The following TENM2 variants were observed in gnomAD, a reference collection of about 807,000 sequenced individuals.
The protein encoded by TENM2 is teneurin-2.
A neutral mutation model predicts 245.2 loss-of-function variants in TENM2; 52 were observed. The ratio of observed to expected loss-of-function variants is 0.21; its 90% confidence interval spans 0.17 to 0.27. The LOEUF is 0.27. Ranked by LOEUF, TENM2 falls within the 10% of genes least tolerant of loss-of-function variation. TENM2 has a pLI of 1.00. For missense variants in TENM2, 3,046 were observed against 3,666.8 expected, an observed-to-expected ratio of 0.83 and a Z score of 4.37; for synonymous variants, 1,363 against 1,438.9, an observed-to-expected ratio of 0.95 and a Z score of 1.19.
At chr5:167,721,595 T>C (rs1174768581) in intron 2 of TENM2, among the ~76,000 whole-genome samples, 1 of 152,170 alleles carries the variant, frequency 6.6e-6, no homozygotes, top group Non-Finnish European at 1.5e-5. Flanking sequence ...TCTTTGAGCC[T>C]GCTTTAGTTG....
At chr5:168,011,149 C>G (rs1202134183) in intron 5 of TENM2, among the ~76,000 whole-genome samples, 1 of 152,196 alleles carries the variant, frequency 6.6e-6, no homozygotes, top group African/African-American at 2.4e-5. Context: ...ATGAGGTGGT[C>G]AGGGTCCTAA....
At chr5:168,245,999 G>A (rs112673819) in intron 26 of TENM2, among the ~76,000 whole-genome samples, 156 of 152,080 alleles carry the variant, frequency 1.0e-3, no homozygotes, top group Middle Eastern at 6.8e-3. Context: ...TTGGGAGGCC[G>A]AGGCGGGCTG....
At chr5:167,111,925 A>G in the TENM2 span, among the ~76,000 whole-genome samples, 1 of 152,100 alleles carries the variant, frequency 6.6e-6, no homozygotes, top group Admixed American at 6.6e-5. Flanking sequence ...TCTGCATTCG[A>G]TTTACTAATT....
the TENM2 span, among the ~76,000 whole-genome samples, chr5:167,183,898 C>T: frequency 6.6e-6 from 1 of 152,118 alleles, no homozygotes; most frequent in African/African-American, 2.4e-5. Flanking sequence ...ATTTTAAGTA[C>T]ACACCTAATT....
the TENM2 span, among the ~76,000 whole-genome samples, chr5:166,982,993 G>A: frequency 6.6e-6 from 1 of 151,938 alleles, no homozygotes; most frequent in African/African-American, 2.4e-5. Flanking sequence ...TTTATATTTT[G>A]CTTTAAAGAG....
At chr5:168,254,706 G>C (rs1236120582) in intron 27 of TENM2, among the ~76,000 whole-genome samples, 1 of 152,096 alleles carries the variant, frequency 6.6e-6, no homozygotes, top group African/African-American at 2.4e-5. Flanking sequence ...TAGGGAGAGA[G>C]AGATCCCTGG....
chr5:167,061,677 G>A, the TENM2 span, among the ~76,000 whole-genome samples: 1 of 152,036 alleles, frequency 6.6e-6, no homozygotes, highest in Non-Finnish European at 1.5e-5. Context: ...GCATCAAAAG[G>A]ATCATTCAAT....
At chr5:168,109,373 G>A (rs1056418295) in intron 9 of TENM2, among the ~76,000 whole-genome samples, 4 of 152,198 alleles carry the variant, frequency 2.6e-5, no homozygotes, top group Non-Finnish European at 4.4e-5. Flanking sequence ...CTGTGCAAAG[G>A]GTTTTAAGTG....
chr5:167,373,914 C>T (rs1452029755), intron 1 of TENM2, among the ~76,000 whole-genome samples: 2 of 152,312 alleles, frequency 1.3e-5, no homozygotes, highest in South Asian at 2.1e-4. Context: ...AACATGACAA[C>T]GTGTTCAATA....
chr5:167,130,287 T>A, the TENM2 span, among the ~76,000 whole-genome samples: 10 of 152,184 alleles, frequency 6.6e-5, no homozygotes, highest in Non-Finnish European at 1.0e-4. Context: ...TTGAAAATAG[T>A]GCTGCTAATG....
At chr5:167,882,300 A>G (rs757362158) in intron 3 of TENM2, among the ~76,000 whole-genome samples, 1 of 152,176 alleles carries the variant, frequency 6.6e-6, no homozygotes, top group African/African-American at 2.4e-5. Flanking sequence ...TAAGCTCAGG[A>G]GGGGCTAAGG....
chr5:167,099,358 G>T, the TENM2 span, among the ~76,000 whole-genome samples: 542 of 152,242 alleles, frequency 3.6e-3, 2 homozygotes, highest in Middle Eastern at 6.8e-3. Context: ...TGGCTAATAA[G>T]AATAATAATT....
the TENM2 span, among the ~76,000 whole-genome samples, chr5:167,126,000 T>C: frequency 2.1e-3 from 320 of 152,298 alleles, no homozygotes; most frequent in African/African-American, 7.4e-3. Context: ...AAAGTGAAGC[T>C]TTGCCTCATA....
intron 2 of TENM2, among the ~76,000 whole-genome samples, chr5:167,808,369 C>T (rs1290882004): frequency 6.6e-6 from 1 of 152,196 alleles, no homozygotes; most frequent in Non-Finnish European, 1.5e-5. Flanking sequence ...AAGCGATTTT[C>T]CTGCCTCAGC....
chr5:167,895,007 A>AAGGAAGGAAGGAAGGGAGGG (rs1775100855), intron 3 of TENM2, among the ~76,000 whole-genome samples: 1 of 126,784 alleles, frequency 7.9e-6, no homozygotes, highest in African/African-American at 2.9e-5. Context: ...GGAAGGAAGG[A>AAGGAAGGAAGGAAGGGAGGG]AGGGAGGGAG....
intron 3 of TENM2, among the ~76,000 whole-genome samples, chr5:167,928,182 T>C (rs1299882767): frequency 3.3e-5 from 5 of 152,202 alleles, no homozygotes; most frequent in African/African-American, 1.2e-4. Flanking sequence ...CTTTGTCATT[T>C]CTTGTCTCTC....
At chr5:167,527,913 G>C (rs1771230550) in intron 2 of TENM2, among the ~76,000 whole-genome samples, 1 of 152,102 alleles carries the variant, frequency 6.6e-6, no homozygotes, top group Admixed American at 6.6e-5. Flanking sequence ...ACTGCACCAA[G>C]ATGTCATGTA....
At chr5:167,103,151 G>A in the TENM2 span, among the ~76,000 whole-genome samples, 1 of 152,270 alleles carries the variant, frequency 6.6e-6, no homozygotes, top group African/African-American at 2.4e-5. Flanking sequence ...AAGTTCCCAT[G>A]GCTGATAAGA....
At chr5:168,017,671 G>A (rs1206853456) in intron 5 of TENM2, among the ~76,000 whole-genome samples, 1 of 152,156 alleles carries the variant, frequency 6.6e-6, no homozygotes, top group Non-Finnish European at 1.5e-5. Context: ...CCATTTTCTT[G>A]CACTTAGCCT....
Sources: gnomAD v4.1 joint callset for allele counts (sites outside exome capture counted in the v4.1 genomes callset) on GRCh38, gnomAD v4.1.1 for gene constraint, MANE v1.5 for transcripts, NCBI Gene and HGNC (gene_info 2026-07-23, HGNC 2026-07-21) for gene names.